The following SPRED1 variants were observed in gnomAD, a reference collection of about 807,000 sequenced individuals.
SPRED1 encodes the protein sprouty related EVH1 domain containing 1.
A neutral mutation model predicts 52.3 loss-of-function variants in SPRED1; 18 were observed. The ratio of observed to expected loss-of-function variants is 0.34; its 90% CI spans 0.24 to 0.51. The LOEUF is 0.51. Ranked by LOEUF, SPRED1 falls within the 20% of genes least tolerant of loss-of-function variation. SPRED1 has a pLI of 0.97. For synonymous variants in SPRED1, 155 were observed against 179.7 expected (o/e 0.86, Z 1.10); for missense variants, 485 against 551.0 (o/e 0.88, Z 1.20).
At chr15:38,281,317 T>C (rs989755424) in intron 1 of SPRED1, among the ~76,000 whole-genome samples, 5 of 152,222 alleles carry the variant, frequency 3.3e-5, no homozygotes, top group Non-Finnish European at 7.3e-5. Context: ...CCATGCATCT[T>C]TGCAAAAGGA....
chr15:38,302,809 G>C (rs1008006762), intron 2 of SPRED1, among the ~76,000 whole-genome samples: 1 of 152,178 alleles, frequency 6.6e-6, no homozygotes, highest in Non-Finnish European at 1.5e-5. Context: ...CTAAGAAAAT[G>C]AAAGTACTAC....
intron 2 of SPRED1, among the ~76,000 whole-genome samples, chr15:38,300,182 AC>A (rs142378844): frequency 0.024 from 3,636 of 152,158 alleles, 54 homozygotes; most frequent in Middle Eastern, 0.051. Context: ...TTTCAGTTTA[AC>A]CTTTGATAAT....
chr15:38,327,666 A>C (rs1480116488), intron 4 of SPRED1, among the ~76,000 whole-genome samples: 1 of 152,216 alleles, frequency 6.6e-6, no homozygotes, highest in Admixed American at 6.5e-5. Flanking sequence ...CTCCAGCCAC[A>C]AACAAGCCTT....
intron 5 of SPRED1, among the ~76,000 whole-genome samples, chr15:38,343,480 A>G (rs1450516360): frequency 6.6e-6 from 1 of 152,164 alleles, no homozygotes; most frequent in African/African-American, 2.4e-5. Context: ...GTGGAAGTGA[A>G]GTTTAGGTAG....
At chr15:38,281,188 T>G (rs1262533052) in intron 1 of SPRED1, among the ~76,000 whole-genome samples, 1 of 152,216 alleles carries the variant, frequency 6.6e-6, no homozygotes, top group African/African-American at 2.4e-5. Context: ...GTAAGTTTTG[T>G]TTCTATACAA....
At chr15:38,299,653 T>C in intron 2 of SPRED1, 106 bp downstream of exon 2, 1 of 1,160,766 alleles carries the variant, frequency 8.6e-7, no homozygotes, top group Non-Finnish European at 1.3e-6. Context: ...AATCAGTAAT[T>C]ATGTTTCTGG....
At chr15:38,306,367 C>G (rs1358859351) in intron 2 of SPRED1, among the ~76,000 whole-genome samples, 2 of 151,988 alleles carry the variant, frequency 1.3e-5, no homozygotes, top group African/African-American at 4.8e-5. Context: ...GCTCAGAAAA[C>G]AATAATGGCA....
intron 2 of SPRED1, among the ~76,000 whole-genome samples, chr15:38,314,232 T>C (rs964893966): frequency 6.6e-6 from 1 of 151,884 alleles, no homozygotes; most frequent in Non-Finnish European, 1.5e-5. Context: ...ATCTGCTTTA[T>C]CTTTACTAAT....
intron 2 of SPRED1, among the ~76,000 whole-genome samples, chr15:38,317,278 C>G (rs1237760740): frequency 6.6e-6 from 1 of 151,878 alleles, no homozygotes; most frequent in African/African-American, 2.4e-5. Context: ...ATAGTCTTAA[C>G]AAGACTTAGA....
chr15:38,283,105 G>A (rs1473661558), intron 1 of SPRED1, among the ~76,000 whole-genome samples: 2 of 152,132 alleles, frequency 1.3e-5, no homozygotes, highest in Non-Finnish European at 2.9e-5. Flanking sequence ...GGTTCCACAG[G>A]CTTAACAGAA....
Position 38,351,334 on chromosome 15 carries a change from C to T in SPRED1, c.1005C>T (p.Cys335=), listed in dbSNP as rs768937237. ...AAGAGGATGGTGAACGTTCTCGCTG[C>T]GTATACTGCCAGGAAAGGTTTAATC... ...RRKEDGERSR[C]VYCQERFNHE... is the part of the protein sequence containing the mutation. The change falls in exon 7 of 7, where the codon TGC becomes TGT. Residue 335 remains cysteine, a synonymous_variant. Coordinates refer to ENST00000299084, the MANE Select transcript of SPRED1 (RefSeq NM_152594.3). 1.5e-5 allele frequency: 24 copies of T among 1,613,898 alleles called. No individual in the cohort carries two copies. Among genetic ancestry groups the T allele is most frequent in the East Asian group, 4.5e-5 (2 of 44,892 alleles).
Position 38,253,059 on chromosome 15 carries a change from G to T in SPRED1, c.-127G>T. The T allele has an allele frequency of 2.6e-6, 2 of 784,098 alleles. No homozygotes were observed. The highest frequency in any genetic ancestry group is 2.2e-6 in the Non-Finnish European group (1 of 458,336). 48.6% of individuals were successfully genotyped at this position (784,098 alleles called of 1,614,324 possible). A position where few individuals can be genotyped will look rare whatever the true frequency, so the allele number is the denominator to read the frequency against. ...CGTTCTGGGTGAGGCATCCACCATG[G>T]TGAGGCCCCTGTGCCGCTGCCCCCG... On this transcript the variant is annotated 5_prime_UTR_variant, in exon 1 of 7. Transcript: ENST00000299084.
chr15:38,264,927 A>C (rs763863798), intron 1 of SPRED1, among the ~76,000 whole-genome samples: 1 of 152,222 alleles, frequency 6.6e-6, no homozygotes, highest in Non-Finnish European at 1.5e-5. Context: ...TAAATAAACT[A>C]TCCAAATTAA....
intron 4 of SPRED1, among the ~76,000 whole-genome samples, chr15:38,326,898 C>T (rs772429089): frequency 6.6e-6 from 1 of 152,166 alleles, no homozygotes; most frequent in Admixed American, 6.5e-5. Flanking sequence ...ATTCCCAGGT[C>T]CTAAGTTCCA....
At chr15:38,286,569 T>A (rs1202710198) in intron 1 of SPRED1, among the ~76,000 whole-genome samples, 1 of 151,870 alleles carries the variant, frequency 6.6e-6, no homozygotes, top group African/African-American at 2.4e-5. Context: ...TGTGGTAATG[T>A]CCTATTTCTG....
intron 6 of SPRED1, among the ~76,000 whole-genome samples, chr15:38,349,847 G>C (rs1332606574): frequency 2.0e-5 from 3 of 152,162 alleles, no homozygotes; most frequent in African/African-American, 7.2e-5. Flanking sequence ...CTAGGAAATA[G>C]AAGTTTGCCC....
At chr15:38,254,706 TG>T (rs1894054455) in intron 1 of SPRED1, among the ~76,000 whole-genome samples, 1 of 152,190 alleles carries the variant, frequency 6.6e-6, no homozygotes, top group African/African-American at 2.4e-5. Flanking sequence ...CACAGTTATG[TG>T]GGAAATATCA....
Position 38,353,810 on chromosome 15 carries a change from T to C in SPRED1, c.*2146T>C, listed in dbSNP as rs1277941567. 1 of 152,638 alleles carries C rather than the reference T, an allele frequency of 6.6e-6. No homozygotes were observed. The highest frequency in any genetic ancestry group is 2.4e-5 in the African/African-American group (1 of 41,472). The allele number at this position is 152,638 out of a possible 1,614,324, so 9.5% of individuals were successfully genotyped here. ...AGGAAAATGCTGTGGAAATGAACTG[T>C]GTATATACTTCTGGGAGGAACAAAT... is the stretch of plus-strand genomic sequence containing the variant. On this transcript the variant is annotated 3_prime_UTR_variant, in exon 7 of 7. Coordinates refer to ENST00000299084, the MANE Select transcript of SPRED1 (RefSeq NM_152594.3).
intron 1 of SPRED1, among the ~76,000 whole-genome samples, chr15:38,266,543 G>A (rs2140953076): frequency 6.6e-6 from 1 of 152,268 alleles, no homozygotes. Context: ...TCGGGAGTCT[G>A]AGGCATGAGA....
Sources: allele counts gnomAD v4.1 joint callset (sites outside exome capture counted in the v4.1 genomes callset), GRCh38; gene constraint gnomAD v4.1.1; transcripts MANE v1.5; gene names NCBI Gene and HGNC (gene_info 2026-07-23, HGNC 2026-07-21).